SRD5A2: variants seen among roughly 807,000 people sequenced by gnomAD.
SRD5A2 encodes 3-oxo-5-alpha-steroid 4-dehydrogenase 2.
SRD5A2 carries 30 observed loss-of-function variants against 27.4 expected under a neutral mutation model. The ratio of observed to expected loss-of-function variants is 1.10; its 90% CI spans 0.82 to 1.49. The LOEUF is 1.49. Ranked by LOEUF, SRD5A2 falls within the 40% of genes most tolerant of loss-of-function variation. SRD5A2 has a pLI of 0.00. For synonymous variants in SRD5A2, 141 were observed against 133.6 expected (o/e 1.06, Z -0.38); for missense variants, 348 against 323.4 (o/e 1.08, Z -0.58).
chr2:31,543,639 G>A (rs1445254347), intron 1 of SRD5A2, among the ~76,000 whole-genome samples: 1 of 152,092 alleles, frequency 6.6e-6, no homozygotes, highest in Non-Finnish European at 1.5e-5. Flanking sequence ...AGATGGGAAG[G>A]AGCTGTTAAA....
chr2:31,582,476 G>C (rs914649600), upstream of SRD5A2, among the ~76,000 whole-genome samples: 4 of 152,092 alleles, frequency 2.6e-5, no homozygotes, highest in Admixed American at 2.6e-4. Context: ...CACCACTTTG[G>C]AATCACTCAT....
intron 1 of SRD5A2, 45 bp downstream of exon 1, chr2:31,580,575 C>G: frequency 4.1e-6 from 6 of 1,458,794 alleles, no homozygotes; most frequent in Non-Finnish European, 5.4e-6. Context: ...ACGCCGGGAG[C>G]AGGGCAGTGC....
chr2:31,643,999 T>A, the SRD5A2 span, among the ~76,000 whole-genome samples: 1 of 152,336 alleles, frequency 6.6e-6, no homozygotes, highest in South Asian at 2.1e-4. Flanking sequence ...TAAAGAATCT[T>A]TCATAATCAA....
chr2:31,655,265 C>A, the SRD5A2 span, among the ~76,000 whole-genome samples: 1 of 152,046 alleles, frequency 6.6e-6, no homozygotes, highest in South Asian at 2.1e-4. Context: ...CCACGACTGA[C>A]TAATTTTTGT....
the SRD5A2 span, among the ~76,000 whole-genome samples, chr2:31,619,097 C>T: frequency 1.3e-5 from 2 of 152,196 alleles, 1 homozygote; most frequent in Non-Finnish European, 2.9e-5. Context: ...GAATGCAAAT[C>T]GAAATCACAT....
At chr2:31,629,309 G>A in the SRD5A2 span, among the ~76,000 whole-genome samples, 4 of 152,236 alleles carry the variant, frequency 2.6e-5, no homozygotes, top group East Asian at 7.7e-4. Flanking sequence ...AGAACAAGAG[G>A]CTTGCCGCCA....
chr2:31,656,412 G>T, the SRD5A2 span, among the ~76,000 whole-genome samples: 1 of 152,070 alleles, frequency 6.6e-6, no homozygotes, highest in Non-Finnish European at 1.5e-5. Flanking sequence ...CCACTTGTTG[G>T]ACATGTTTTC....
chr2:31,539,506 C>G (rs1666090081), intron 1 of SRD5A2, among the ~76,000 whole-genome samples: 1 of 152,230 alleles, frequency 6.6e-6, no homozygotes, highest in Non-Finnish European at 1.5e-5. Context: ...TATAGGCACT[C>G]TAACCCCTTG....
chr2:31,583,405 A>AATT (rs962713625), upstream of SRD5A2, among the ~76,000 whole-genome samples: 1 of 152,184 alleles, frequency 6.6e-6, no homozygotes, highest in African/African-American at 2.4e-5. Flanking sequence ...TTACATGGTA[A>AATT]AGGGCAGGGA....
At chr2:31,595,035 G>A in the SRD5A2 span, among the ~76,000 whole-genome samples, 3 of 151,954 alleles carry the variant, frequency 2.0e-5, no homozygotes, top group South Asian at 2.1e-4. Flanking sequence ...ACAACCTATC[G>A]AAACCTCTGG....
the SRD5A2 span, among the ~76,000 whole-genome samples, chr2:31,595,029 C>G: frequency 6.6e-6 from 1 of 151,986 alleles, no homozygotes. Context: ...AGTGACACAA[C>G]CTATCGAAAC....
the SRD5A2 span, among the ~76,000 whole-genome samples, chr2:31,591,272 T>C: frequency 0.7 from 107,012 of 152,028 alleles, 37,932 homozygotes; most frequent in Non-Finnish European, 0.73. Flanking sequence ...AAAAAGTGGG[T>C]GAAGGACATG....
chr2:31,591,546 T>A, the SRD5A2 span, among the ~76,000 whole-genome samples: 43 of 151,800 alleles, frequency 2.8e-4, no homozygotes, highest in Non-Finnish European at 5.4e-4. Context: ...TCAGGGATCT[T>A]GAACTAGAAA....
chr2:31,581,039 C>T (rs1667073359), upstream of SRD5A2: 3 of 928,708 alleles, frequency 3.2e-6, no homozygotes, highest in African/African-American at 2.0e-5. Context: ...CCTCCCACCT[C>T]GCCGCGTCCA....
intron 1 of SRD5A2, among the ~76,000 whole-genome samples, chr2:31,534,567 A>G: frequency 6.6e-6 from 1 of 152,214 alleles, no homozygotes; most frequent in Middle Eastern, 3.2e-3. Flanking sequence ...TAAATTTTAT[A>G]TTCATTTTTC....
At chr2:31,577,745 C>T (rs1224137554) in intron 1 of SRD5A2, among the ~76,000 whole-genome samples, 1 of 152,134 alleles carries the variant, frequency 6.6e-6, no homozygotes, top group Non-Finnish European at 1.5e-5. Flanking sequence ...TTCCTTAATG[C>T]ACCCTCAGTA....
the SRD5A2 span, among the ~76,000 whole-genome samples, chr2:31,640,655 G>A: frequency 3.1e-3 from 479 of 152,234 alleles, 3 homozygotes; most frequent in African/African-American, 0.011. Context: ...AGGCTGACCA[G>A]GGGTTCATGT....
the SRD5A2 span, among the ~76,000 whole-genome samples, chr2:31,631,371 C>T: frequency 1.3e-5 from 2 of 152,196 alleles, no homozygotes; most frequent in African/African-American, 2.4e-5. Context: ...TGGGTGTTTA[C>T]GCACCCTGGA....
At chr2:31,575,952 A>G (rs982599748) in intron 1 of SRD5A2, among the ~76,000 whole-genome samples, 1 of 152,218 alleles carries the variant, frequency 6.6e-6, no homozygotes, top group Admixed American at 6.5e-5. Flanking sequence ...GAGTTTAGAC[A>G]AGGGGTCATT....
Sources: allele counts gnomAD v4.1 joint callset (sites outside exome capture counted in the v4.1 genomes callset), GRCh38; gene constraint gnomAD v4.1.1; transcripts MANE v1.5; gene names NCBI Gene and HGNC (gene_info 2026-07-23, HGNC 2026-07-21).